The following WNT7B variants were observed in gnomAD, a reference collection of about 807,000 sequenced individuals.
WNT7B encodes protein Wnt-7b.
In WNT7B, 19 loss-of-function variants were observed where a neutral mutation model predicts 38.2. That is an observed-to-expected ratio of 0.50 (90% confidence interval 0.35 to 0.73). The LOEUF (loss-of-function observed/expected upper bound fraction) is 0.73. WNT7B is among the 30% of genes least tolerant of loss of function. The pLI, the probability that WNT7B is intolerant of heterozygous loss-of-function variation, is 0.01. For missense variants in WNT7B, 423 were observed against 507.9 expected, an observed-to-expected ratio of 0.83 and a Z score of 1.61; for synonymous variants, 243 against 209.3, an observed-to-expected ratio of 1.16 and a Z score of -1.39.
At position 45,943,062 on chromosome 22, in the gene WNT7B, AGTGTGCACAT is replaced by A. The variant is rs547331098; in HGVS notation, c.298+6848_298+6857del. ...GTGTGTGCAGCATGCATGTGTGTGC[AGTGTGCACAT>A]GTGTGCACGTGTGTGCGTGTGTTTG... On this transcript the variant is annotated intron_variant, in intron 2 of 3. Coordinates refer to ENST00000339464, the MANE Select transcript of WNT7B (RefSeq NM_058238.3). Among the ~76,000 whole-genome samples the A allele has an allele frequency of 7.7e-4, 113 of 147,050 alleles. 1 individual carries two copies. The highest frequency in any genetic ancestry group is 1.5e-3 in the South Asian group (7 of 4,786).
chr22:45,950,295 G>A, intron 1 of WNT7B, 149 bp from the exon 2 acceptor site: 1 of 704,290 alleles, frequency 1.4e-6, no homozygotes, highest in South Asian at 1.8e-5. Flanking sequence ...CCCTCAAGGG[G>A]CTGTTTCCCA....
chr22:45,969,429 A>G (rs1932383950), intron 1 of WNT7B, among the ~76,000 whole-genome samples: 1 of 152,148 alleles, frequency 6.6e-6, no homozygotes, highest in Non-Finnish European at 1.5e-5. Flanking sequence ...CCAGGCCCCC[A>G]TTGCAGCTGA....
chr22:45,939,990 T>G (rs1365116032), intron 2 of WNT7B, among the ~76,000 whole-genome samples: 2 of 152,190 alleles, frequency 1.3e-5, no homozygotes, highest in East Asian at 3.8e-4. Flanking sequence ...CTGGGACTGA[T>G]TAAGCCACAG....
chr22:45,933,167 G>T (rs1323305269), intron 2 of WNT7B, among the ~76,000 whole-genome samples: 2 of 152,168 alleles, frequency 1.3e-5, no homozygotes, highest in Non-Finnish European at 2.9e-5. Flanking sequence ...CTGTCTGTCT[G>T]CCGTCATGGA....
intron 1 of WNT7B, among the ~76,000 whole-genome samples, chr22:45,956,493 G>C (rs1267299187): frequency 4.6e-5 from 7 of 152,180 alleles, no homozygotes; most frequent in Admixed American, 3.9e-4. Context: ...AAGCTACTGG[G>C]TATCCGCGTC....
chr22:45,932,705 A>C (rs1318746049), intron 2 of WNT7B, among the ~76,000 whole-genome samples: 1 of 152,176 alleles, frequency 6.6e-6, no homozygotes, highest in Non-Finnish European at 1.5e-5. Flanking sequence ...GTGGACACCG[A>C]GCAGGCTCAA....
chr22:45,935,116 C>G (rs1454940304), intron 2 of WNT7B, among the ~76,000 whole-genome samples: 1 of 152,168 alleles, frequency 6.6e-6, no homozygotes, highest in Non-Finnish European at 1.5e-5. Flanking sequence ...CCCCAAGTCC[C>G]TCCTGGGGCC....
chr22:45,955,656 C>T (rs1319859109), intron 1 of WNT7B, among the ~76,000 whole-genome samples: 1 of 152,202 alleles, frequency 6.6e-6, no homozygotes, highest in Non-Finnish European at 1.5e-5. Flanking sequence ...GCCCCCGGCT[C>T]ATCCCCCTGC....
chr22:45,970,663 C>G (rs1254831868), intron 1 of WNT7B, among the ~76,000 whole-genome samples: 1 of 152,214 alleles, frequency 6.6e-6, no homozygotes, highest in Non-Finnish European at 1.5e-5. Context: ...ACCGGAGCTG[C>G]CAATTCTCTA....
chr22:45,925,197 G>T, intron 3 of WNT7B: 3 of 980,182 alleles, frequency 3.1e-6, no homozygotes, highest in Non-Finnish European at 3.6e-6. Flanking sequence ...CCCTAGGCTA[G>T]CAGGTGGGTG....
chr22:45,957,022 C>T (rs564160822), intron 1 of WNT7B, among the ~76,000 whole-genome samples: 27 of 150,744 alleles, frequency 1.8e-4, no homozygotes, highest in African/African-American at 6.1e-4. Context: ...AGGAGAATCG[C>T]TTGAACCAGG....
At chr22:45,948,423 G>A (rs1457012964) in intron 2 of WNT7B, among the ~76,000 whole-genome samples, 1 of 152,170 alleles carries the variant, frequency 6.6e-6, no homozygotes, top group Admixed American at 6.5e-5. Flanking sequence ...GGGCCCCAGG[G>A]GCTTTTCCCC....
At chr22:45,953,128 CCG>C (rs1931973482) in intron 1 of WNT7B, among the ~76,000 whole-genome samples, 6 of 135,608 alleles carry the variant, frequency 4.4e-5, no homozygotes, top group Admixed American at 3.6e-4. Context: ...GTCACCGTGT[CCG>C]TGCCCGGCTT....
chr22:45,975,828 C>T lies in WNT7B; in HGVS notation c.71+856G>A, dbSNP rs1489373887. On this transcript the variant is annotated intron_variant, in intron 1 of 3. Coordinates refer to ENST00000339464, the MANE Select transcript of WNT7B (RefSeq NM_058238.3). This position sits in a 1 kb window ranked among gnomAD's most constrained non-coding sequence, Gnocchi z 6.6. ...GGTGGGCGCCCCAGGCGAGGTGCACCGCACCCCCTCTCCGTCACGCCGTTT... is the reference window on the plus strand; with the variant it reads ...GGTGGGCGCCCCAGGCGAGGTGCACTGCACCCCCTCTCCGTCACGCCGTTT... 6.8e-6 allele frequency: 2 copies of T among 295,738 alleles called. No homozygotes were observed. The highest frequency in any genetic ancestry group is 1.2e-5 in the Non-Finnish European group (2 of 162,128). 18.3% of individuals were successfully genotyped at this position (295,738 alleles called of 1,614,324 possible). A position where few individuals can be genotyped will look rare whatever the true frequency, so the allele number is the denominator to read the frequency against.
chr22:45,924,030 C>T (rs1931006365), intron 3 of WNT7B, among the ~76,000 whole-genome samples: 1 of 152,234 alleles, frequency 6.6e-6, no homozygotes, highest in Admixed American at 6.5e-5. Context: ...CCCTCCATGG[C>T]CCCGGAAGGC....
At chr22:45,948,813 G>A (rs976631858) in intron 2 of WNT7B, among the ~76,000 whole-genome samples, 8 of 148,370 alleles carry the variant, frequency 5.4e-5, no homozygotes, top group Non-Finnish European at 1.0e-4. Context: ...ACCCAGGTCA[G>A]GCTCCAAAGA....
chr22:45,926,247 T>C (rs2146704880), intron 3 of WNT7B: 1 of 985,368 alleles, frequency 1.0e-6, no homozygotes, highest in Non-Finnish European at 1.2e-6. Context: ...GCAATGGTGG[T>C]GCCAGCACTG....
chr22:45,934,302 G>C (rs575460432), intron 2 of WNT7B, among the ~76,000 whole-genome samples: 3 of 152,310 alleles, frequency 2.0e-5, no homozygotes, highest in African/African-American at 7.2e-5. Flanking sequence ...CAGGAGGAGA[G>C]GGGGGATGTG....
In WNT7B at chr22:45,960,196, C is replaced by T. The variant is rs554052359; in HGVS notation, c.72-10050G>A. 1.9e-3 allele frequency among the ~76,000 whole-genome samples: 289 copies of T among 152,306 alleles called. 1 individual carries two copies. The highest frequency in any genetic ancestry group is 6.8e-3 in the African/African-American group (283 of 41,564). On this transcript the variant is annotated intron_variant, in intron 1 of 3. Coordinates refer to ENST00000339464, the MANE Select transcript of WNT7B (RefSeq NM_058238.3). ...GCCACTTTGGCCAGGTGGCCCCAGACCTGCCCCCTCAGCCCTCACTCTTGC... is the reference window on the plus strand; with the variant it reads ...GCCACTTTGGCCAGGTGGCCCCAGATCTGCCCCCTCAGCCCTCACTCTTGC...
Sources: allele counts gnomAD v4.1 joint callset (sites outside exome capture counted in the v4.1 genomes callset), GRCh38; gene constraint gnomAD v4.1.1; non-coding constraint Gnocchi (gnomAD v3.1); transcripts MANE v1.5; gene names NCBI Gene and HGNC (gene_info 2026-07-23, HGNC 2026-07-21).